Variants in PTPRN2 observed in about 807,000 individuals in gnomAD.
PTPRN2 encodes the protein receptor-type tyrosine-protein phosphatase N2.
Under a neutral mutation model 118.8 loss-of-function variants are expected in PTPRN2, and 74 were observed. That is an observed-to-expected ratio of 0.62 (90% CI 0.52 to 0.76). The LOEUF (loss-of-function observed/expected upper bound fraction) is 0.76, where lower values mean the gene tolerates loss of function less well. Among genes scored for constraint, PTPRN2 ranks in the 30% least tolerant of loss-of-function variants. The pLI is 0.00. For missense variants in PTPRN2, 1,481 were observed against 1,394.4 expected (o/e 1.06, Z -0.99); for synonymous variants, 641 against 608.0 (o/e 1.05, Z -0.80).
intron 2 of PTPRN2, among the ~76,000 whole-genome samples, chr7:158,398,745 G>A (rs1462631646): frequency 6.6e-6 from 1 of 152,166 alleles, no homozygotes; most frequent in African/African-American, 2.4e-5. Context: ...ACACATTCAC[G>A]TTGCCATTTC....
chr7:158,284,266 TTG>T (rs1799625755), intron 3 of PTPRN2, among the ~76,000 whole-genome samples: 1 of 152,030 alleles, frequency 6.6e-6, no homozygotes. Context: ...CTGGGCACTG[TTG>T]TGTGCCAGGA....
intron 11 of PTPRN2, among the ~76,000 whole-genome samples, chr7:158,006,856 C>T (rs112047265): frequency 3.3e-5 from 5 of 152,298 alleles, no homozygotes; most frequent in African/African-American, 1.2e-4. Context: ...ACCCCAGCTC[C>T]ATCATGCGGT....
At chr7:157,934,196 C>T (rs980702697) in intron 11 of PTPRN2, among the ~76,000 whole-genome samples, 3 of 152,216 alleles carry the variant, frequency 2.0e-5, no homozygotes, top group Admixed American at 6.5e-5. Context: ...GTTTCTGCAC[C>T]GTGAATGCTG....
chr7:158,256,869 C>T (rs1183778902), intron 3 of PTPRN2, among the ~76,000 whole-genome samples: 2 of 152,168 alleles, frequency 1.3e-5, no homozygotes, highest in Non-Finnish European at 2.9e-5. Flanking sequence ...TCAAATCTAT[C>T]TATAACCTAA....
chr7:157,731,440 A>G (rs1253969740), intron 12 of PTPRN2, among the ~76,000 whole-genome samples: 1 of 151,336 alleles, frequency 6.6e-6, no homozygotes, highest in African/African-American at 2.4e-5. Context: ...CCCTGGGGAC[A>G]GGGCCTGTGT....
Position 158,249,084 on chromosome 7 carries a change from CCA to C in PTPRN2, c.278-43813_278-43812del, listed in dbSNP as rs150144525. ...ACATCACACACATACACCACACACA[CCA>C]CACATATGCACACATCACACACACA... On this transcript the variant is annotated intron_variant, in intron 3 of 22. Coordinates refer to ENST00000389418, the MANE Select transcript of PTPRN2 (RefSeq NM_002847.5). Among the ~76,000 whole-genome samples the C allele has an allele frequency of 3.6e-3, 547 of 151,600 alleles. 13 individuals are homozygous for C. The highest frequency in any genetic ancestry group is 0.025 in the East Asian group (129 of 5,124).
chr7:157,915,587 C>T (rs1283612884), intron 11 of PTPRN2, among the ~76,000 whole-genome samples: 1 of 151,994 alleles, frequency 6.6e-6, no homozygotes, highest in African/African-American at 2.4e-5. Flanking sequence ...CTTGGGGGTC[C>T]CAGCTCCATG....
intron 1 of PTPRN2, among the ~76,000 whole-genome samples, chr7:158,554,770 T>C (rs73510582): frequency 0.013 from 1,966 of 152,082 alleles, 51 homozygotes; most frequent in African/African-American, 0.044. Flanking sequence ...GACTATAGGA[T>C]GTGGCTCCCC....
intron 2 of PTPRN2, among the ~76,000 whole-genome samples, chr7:158,411,082 C>G (rs1213907042): frequency 6.6e-6 from 1 of 151,992 alleles, no homozygotes; most frequent in Non-Finnish European, 1.5e-5. Flanking sequence ...CCTGGCACAG[C>G]CTTATTTTCA....
chr7:158,149,801 C>G (rs1820759017), intron 6 of PTPRN2, among the ~76,000 whole-genome samples: 1 of 112,366 alleles, frequency 8.9e-6, no homozygotes, highest in African/African-American at 3.2e-5. Flanking sequence ...AAGAGTCCAT[C>G]TCAAAAAAAA....
chr7:158,353,094 C>A (rs1002604227), intron 2 of PTPRN2, among the ~76,000 whole-genome samples: 1 of 152,244 alleles, frequency 6.6e-6, no homozygotes, highest in African/African-American at 2.4e-5. Context: ...ATGTATTTCA[C>A]TCAGGACCCT....
At chr7:157,663,171 C>T (rs1418503322) in intron 13 of PTPRN2, among the ~76,000 whole-genome samples, 14 of 152,200 alleles carry the variant, frequency 9.2e-5, no homozygotes, top group South Asian at 6.2e-4. Flanking sequence ...CCCCGGGCAT[C>T]GGCGACTCCC....
intron 12 of PTPRN2, among the ~76,000 whole-genome samples, chr7:157,793,433 G>A (rs1804652513): frequency 6.6e-6 from 1 of 151,900 alleles, no homozygotes; most frequent in Non-Finnish European, 1.5e-5. Flanking sequence ...CCCTTGAATT[G>A]TTCAAATTAT....
At chr7:157,577,340 T>C (rs181450197) in intron 18 of PTPRN2, among the ~76,000 whole-genome samples, 1 of 152,320 alleles carries the variant, frequency 6.6e-6, no homozygotes, top group East Asian at 1.9e-4. Context: ...AGGTTCACAC[T>C]TGAGCCTCTA....
At chr7:158,547,431 G>A (rs561215814) in intron 1 of PTPRN2, among the ~76,000 whole-genome samples, 6 of 151,864 alleles carry the variant, frequency 4.0e-5, no homozygotes, top group Admixed American at 1.3e-4. Context: ...ACTTTCTGTC[G>A]CTGACTCTGA....
At chr7:158,376,794 G>C (rs1810563578) in intron 2 of PTPRN2, among the ~76,000 whole-genome samples, 1 of 111,392 alleles carries the variant, frequency 9.0e-6, no homozygotes, top group Non-Finnish European at 1.8e-5. Context: ...CGTCCTGAGA[G>C]GGGGGTCAGG....
rs367857658 is a variant in PTPRN2 at position 157,787,987 on chromosome 7, C to A, written c.1789-105050G>T. ...TCCCCTGGGAACCACGCAGCCGGGGCCTGGAGGCCGACACAAGCCAGACCC... is the reference window on the plus strand; with the variant it reads ...TCCCCTGGGAACCACGCAGCCGGGGACTGGAGGCCGACACAAGCCAGACCC... On this transcript the variant is annotated intron_variant, in intron 12 of 22. Transcript: ENST00000389418. This position sits in a 1 kb window ranked among gnomAD's most constrained non-coding sequence, Gnocchi z 5.3. Among the ~76,000 whole-genome samples, 9 of 152,324 alleles carry A rather than the reference C, an allele frequency of 5.9e-5. No individual in the cohort carries two copies. The highest frequency in any genetic ancestry group is 2.2e-4 in the African/African-American group (9 of 41,568).
At chr7:157,686,844 A>G (rs1409950559) in intron 12 of PTPRN2, among the ~76,000 whole-genome samples, 1 of 152,178 alleles carries the variant, frequency 6.6e-6, no homozygotes, top group Non-Finnish European at 1.5e-5. Context: ...ATGCACAGAT[A>G]GGCACACTTC....
intron 2 of PTPRN2, among the ~76,000 whole-genome samples, chr7:158,477,966 G>A (rs1426161371): frequency 6.6e-6 from 1 of 152,230 alleles, no homozygotes; most frequent in Non-Finnish European, 1.5e-5. Flanking sequence ...CAGGAAAGAG[G>A]GAGGCACCTG....
Sources: allele counts gnomAD v4.1 joint callset (sites outside exome capture counted in the v4.1 genomes callset), GRCh38; gene constraint gnomAD v4.1.1; non-coding constraint Gnocchi (gnomAD v3.1); transcripts MANE v1.5; gene names NCBI Gene and HGNC (gene_info 2026-07-23, HGNC 2026-07-21).